The following ANO3 variants were observed in gnomAD, a reference collection of about 807,000 sequenced individuals.
ANO3 encodes the protein anoctamin 3.
In ANO3, 99 loss-of-function variants were observed where a neutral mutation model predicts 144.8. The observed-to-expected ratio is 0.68, with a 90% CI of 0.58 to 0.81. The LOEUF (loss-of-function observed/expected upper bound fraction) is 0.81. Ranked by LOEUF, ANO3 falls within the 30% of genes least tolerant of loss-of-function variation. The pLI, the probability that ANO3 is intolerant of heterozygous loss-of-function variation, is 0.00. For synonymous variants in ANO3, 414 were observed against 392.6 expected (o/e 1.05, Z -0.64); for missense variants, 905 against 1,202.2 (o/e 0.75, Z 3.66).
intron 17 of ANO3, among the ~76,000 whole-genome samples, chr11:26,615,536 C>T (rs910080983): frequency 3.3e-5 from 5 of 151,622 alleles, no homozygotes; most frequent in Non-Finnish European, 7.4e-5. Context: ...CATCTATGAG[C>T]TGTAATTTCT....
At chr11:26,589,415 T>TC (rs1851379789) in intron 14 of ANO3, among the ~76,000 whole-genome samples, 1 of 146,490 alleles carries the variant, frequency 6.8e-6, no homozygotes, top group African/African-American at 2.5e-5. Context: ...CCAATTTTCT[T>TC]TTTTTTTTTT....
At chr11:26,290,090 CT>C (rs1853920570) in intron 1 of ANO3, among the ~76,000 whole-genome samples, 1 of 151,924 alleles carries the variant, frequency 6.6e-6, no homozygotes, top group Non-Finnish European at 1.5e-5. Context: ...ATTTCAGAGC[CT>C]GTTATTGGTC....
intron 17 of ANO3, among the ~76,000 whole-genome samples, chr11:26,603,989 G>A (rs889414034): frequency 5.9e-5 from 9 of 152,068 alleles, no homozygotes; most frequent in African/African-American, 1.9e-4. Flanking sequence ...ATTTTGTAAT[G>A]TAAAATACCT....
chr11:26,238,153 A>G (rs968248194), intron 1 of ANO3, among the ~76,000 whole-genome samples: 7 of 152,310 alleles, frequency 4.6e-5, no homozygotes, highest in African/African-American at 1.4e-4. Flanking sequence ...ACACAGAATT[A>G]AACTTGAGCA....
Position 26,647,721 on chromosome 11 carries a change from G to A in ANO3, c.2441G>A (p.Gly814Glu). 1 of 1,603,172 alleles carries A rather than the reference G, an allele frequency of 6.2e-7. No homozygotes were observed. The highest frequency in any genetic ancestry group is 8.5e-7 in the Non-Finnish European group (1 of 1,172,504). Residue 814 changes from glycine (G) to glutamate (E), a missense_variant, in exon 24 of 27, where the codon GGA becomes GAA. Transcript: ENST00000256737. The stretch of plus-strand genomic sequence containing the variant: ...TTTCTCTTACCAGGTATCTGGCTTG[G>A]AATTCTCGAAGGAATCGGTATATTG... The part of the protein sequence containing the change: ...ARATDIGIWL[G>E]ILEGIGILAV...
intron 16 of ANO3, 73 bp downstream of exon 16, chr11:26,599,071 A>G: frequency 6.8e-7 from 1 of 1,481,310 alleles, no homozygotes; most frequent in Non-Finnish European, 9.3e-7. Context: ...ATACCAACTC[A>G]TTTTGTGACG....
intron 7 of ANO3, 69 bp from the exon 8 acceptor site, chr11:26,531,136 T>C: frequency 5.8e-6 from 9 of 1,557,944 alleles, no homozygotes; most frequent in Non-Finnish European, 7.9e-6. Flanking sequence ...CTTAAGTGAA[T>C]TGTAGTGGAA....
intron 14 of ANO3, among the ~76,000 whole-genome samples, chr11:26,579,424 A>G (rs963053744): frequency 1.3e-5 from 2 of 152,178 alleles, no homozygotes; most frequent in African/African-American, 4.8e-5. Context: ...AGGAAAAGGA[A>G]ATTTATTCAT....
At chr11:26,352,205 C>G (rs894754293) in intron 1 of ANO3, among the ~76,000 whole-genome samples, 6 of 152,172 alleles carry the variant, frequency 3.9e-5, no homozygotes, top group Non-Finnish European at 7.3e-5. Flanking sequence ...CAAGTCTTTA[C>G]TACCCAAGAA....
At chr11:26,212,830 A>T (rs1004522046) in intron 1 of ANO3, among the ~76,000 whole-genome samples, 1 of 152,048 alleles carries the variant, frequency 6.6e-6, no homozygotes, top group Non-Finnish European at 1.5e-5. Context: ...ACAACAAAAA[A>T]ATGTAAATTT....
At chr11:26,437,258 A>T in intron 1 of ANO3, among the ~76,000 whole-genome samples, 1 of 152,298 alleles carries the variant, frequency 6.6e-6, no homozygotes, top group East Asian at 1.9e-4. Context: ...CTGGGCATCA[A>T]AAGTTCCTGG....
At chr11:26,327,082 CT>C (rs2133883668) in intron 1 of ANO3, among the ~76,000 whole-genome samples, 1 of 152,210 alleles carries the variant, frequency 6.6e-6, no homozygotes, top group African/African-American at 2.4e-5. Context: ...AATTAGCACA[CT>C]GAAATTTGTT....
At chr11:26,551,061 T>C (rs896176599) in intron 12 of ANO3, among the ~76,000 whole-genome samples, 5 of 152,130 alleles carry the variant, frequency 3.3e-5, no homozygotes, top group African/African-American at 1.2e-4. Context: ...CTACTGGTTT[T>C]CCTTAAACCT....
At chr11:26,504,767 T>G (rs545186753) in intron 4 of ANO3, among the ~76,000 whole-genome samples, 1 of 150,974 alleles carries the variant, frequency 6.6e-6, no homozygotes, top group East Asian at 2.0e-4. Flanking sequence ...CTCACGCCTG[T>G]AATCCCAGCA....
rs1855218323 is a variant in ANO3 at position 26,337,263 on chromosome 11, G to A, written c.46+4942G>A. ...GTTAATTCAAAGTAAGAACATTGCT[G>A]TTTAAAATGATGGCTTTGAATTAGC... On this transcript the variant is annotated intron_variant, in intron 1 of 26. Coordinates refer to ENST00000256737, the MANE Select transcript of ANO3 (RefSeq NM_031418.4). Among the ~76,000 whole-genome samples, 4 of 152,176 alleles carry A rather than the reference G, an allele frequency of 2.6e-5. No individual in the cohort carries two copies. The South Asian group carries it at 8.3e-4, about 31-fold the overall frequency.
intron 1 of ANO3, among the ~76,000 whole-genome samples, chr11:26,408,049 A>C (rs1364241941): frequency 6.6e-6 from 1 of 152,126 alleles, no homozygotes; most frequent in Non-Finnish European, 1.5e-5. Flanking sequence ...AGTACCATTC[A>C]GGACATAGAC....
chr11:26,545,977 C>G (rs1027628035), intron 11 of ANO3, among the ~76,000 whole-genome samples: 5 of 151,886 alleles, frequency 3.3e-5, no homozygotes, highest in African/African-American at 4.8e-5. Flanking sequence ...ATTGTTGCTT[C>G]TCTTAACCTT....
At chr11:26,406,957 T>A (rs1857293940) in intron 1 of ANO3, among the ~76,000 whole-genome samples, 1 of 146,630 alleles carries the variant, frequency 6.8e-6, no homozygotes, top group African/African-American at 2.5e-5. Context: ...TATATACATA[T>A]ATATATACAC....
intron 18 of ANO3, among the ~76,000 whole-genome samples, chr11:26,627,207 G>A (rs1852615538): frequency 6.6e-6 from 1 of 152,000 alleles, no homozygotes; most frequent in Non-Finnish European, 1.5e-5. Context: ...CCAGGCTTTG[G>A]AGTTGGATAT....
Sources: allele counts gnomAD v4.1 joint callset (sites outside exome capture counted in the v4.1 genomes callset), GRCh38; gene constraint gnomAD v4.1.1; transcripts MANE v1.5; gene names NCBI Gene and HGNC (gene_info 2026-07-23, HGNC 2026-07-21).